The following C12orf42 variants were observed in gnomAD, a reference collection of about 807,000 sequenced individuals.
C12orf42 encodes the protein chromosome 12 open reading frame 42.
In C12orf42, 25 loss-of-function variants were observed where a neutral mutation model predicts 21.6. The ratio of observed to expected loss-of-function variants is 1.16; its 90% confidence interval spans 0.84 to 1.62. The LOEUF is 1.62. Ranked by LOEUF, C12orf42 falls within the 40% of genes most tolerant of loss-of-function variation. C12orf42 has a pLI of 0.00. For synonymous variants in C12orf42, 174 were observed against 175.0 expected (o/e 0.99, Z 0.05); for missense variants, 483 against 459.3 (o/e 1.05, Z -0.47).
chr12:103,384,600 C>G (rs2046454489), intron 3 of C12orf42, among the ~76,000 whole-genome samples: 11 of 152,130 alleles, frequency 7.2e-5, no homozygotes, highest in Admixed American at 7.2e-4. Flanking sequence ...GCTAACCATT[C>G]AAGACAGGAC....
chr12:103,232,071 C>A, the C12orf42 span, among the ~76,000 whole-genome samples: 2 of 152,162 alleles, frequency 1.3e-5, no homozygotes, highest in Non-Finnish European at 2.9e-5. Context: ...TGTGAAGCAT[C>A]TTTTCATATG....
At chr12:103,143,256 G>A in the C12orf42 span, among the ~76,000 whole-genome samples, 10 of 152,202 alleles carry the variant, frequency 6.6e-5, no homozygotes, top group African/African-American at 1.4e-4. Context: ...GAAAGGAGGC[G>A]TTGGGAGTTC....
downstream of C12orf42, among the ~76,000 whole-genome samples, chr12:103,266,144 T>G (rs1383288148): frequency 6.6e-6 from 1 of 152,148 alleles, no homozygotes; most frequent in Admixed American, 6.6e-5. Flanking sequence ...AGCATTTTCT[T>G]AAAGTGTATT....
the C12orf42 span, among the ~76,000 whole-genome samples, chr12:103,113,938 G>A: frequency 6.6e-6 from 1 of 152,156 alleles, no homozygotes; most frequent in Non-Finnish European, 1.5e-5. Flanking sequence ...ATGGGGCCAT[G>A]TACATGAATG....
chr12:103,385,010 C>T (rs945769775), intron 3 of C12orf42, among the ~76,000 whole-genome samples: 1 of 152,044 alleles, frequency 6.6e-6, no homozygotes, highest in Non-Finnish European at 1.5e-5. Flanking sequence ...TACTAAGTAC[C>T]AATAATTTCA....
rs1197989000 is a variant in C12orf42 at position 103,312,801 on chromosome 12, C to T, written c.260-6456G>A. Among the ~76,000 whole-genome samples the T allele has an allele frequency of 2.0e-5, 3 of 152,302 alleles. No individual in the cohort carries two copies. The East Asian group carries it at 5.8e-4, about 29-fold the overall frequency. ...TATTGTGGCAGATGATTTCAAGGTA[C>T]AATAAAATGAATCTATTTTACAGAA... On this transcript the variant is annotated intron_variant, in intron 4 of 5. Transcript: ENST00000548883.
At chr12:103,090,508 C>A in the C12orf42 span, among the ~76,000 whole-genome samples, 2 of 152,142 alleles carry the variant, frequency 1.3e-5, no homozygotes, top group Non-Finnish European at 2.9e-5. Flanking sequence ...AAATCCACCT[C>A]ATAGAGGTGT....
At chr12:103,493,285 G>A (rs1284455751) in intron 1 of C12orf42, among the ~76,000 whole-genome samples, 1 of 152,090 alleles carries the variant, frequency 6.6e-6, no homozygotes, top group Non-Finnish European at 1.5e-5. Flanking sequence ...ACCTCATCTT[G>A]CAATATTCTC....
the C12orf42 span, among the ~76,000 whole-genome samples, chr12:103,537,399 G>A: frequency 1.3e-5 from 2 of 151,962 alleles, no homozygotes; most frequent in African/African-American, 2.4e-5. Flanking sequence ...AGAGAAAACT[G>A]TGGTTTGACT....
intron 2 of C12orf42, among the ~76,000 whole-genome samples, chr12:103,464,942 A>T (rs1953002364): frequency 6.6e-6 from 1 of 152,202 alleles, no homozygotes; most frequent in Admixed American, 6.5e-5. Flanking sequence ...TTTTTGTGCC[A>T]GTACCATGCT....
intron 4 of C12orf42, among the ~76,000 whole-genome samples, chr12:103,285,543 T>C (rs2036390344): frequency 6.6e-6 from 1 of 152,162 alleles, no homozygotes; most frequent in African/African-American, 2.4e-5. Context: ...AACTGTTTAA[T>C]GATAAGGAAG....
the C12orf42 span, among the ~76,000 whole-genome samples, chr12:103,080,656 CAAT>C: frequency 6.6e-6 from 1 of 152,092 alleles, no homozygotes; most frequent in East Asian, 1.9e-4. Flanking sequence ...TTATGAAAAG[CAAT>C]AATATTCCCA....
chr12:103,108,724 T>C, the C12orf42 span, among the ~76,000 whole-genome samples: 3 of 152,126 alleles, frequency 2.0e-5, no homozygotes, highest in East Asian at 1.9e-4. Context: ...TATTCAACAT[T>C]GTATGGAAGG....
At chr12:103,493,216 C>T (rs953711310) in intron 1 of C12orf42, among the ~76,000 whole-genome samples, 3 of 152,178 alleles carry the variant, frequency 2.0e-5, no homozygotes, top group African/African-American at 7.2e-5. Flanking sequence ...AGAATAAAAT[C>T]CAGTATTTTC....
chr12:103,528,525 G>A, the C12orf42 span, among the ~76,000 whole-genome samples: 2 of 152,156 alleles, frequency 1.3e-5, no homozygotes, highest in Admixed American at 6.5e-5. Flanking sequence ...TGGTGAGGGA[G>A]TTCTAGCTCT....
intron 10 of C12orf42, among the ~76,000 whole-genome samples, chr12:103,240,555 G>A (rs1400407612): frequency 6.6e-6 from 1 of 152,174 alleles, no homozygotes; most frequent in Non-Finnish European, 1.5e-5. Flanking sequence ...GCACTCACAA[G>A]ACATAAGAGT....
At chr12:103,384,679 A>G (rs1268289599) in intron 3 of C12orf42, among the ~76,000 whole-genome samples, 1 of 152,236 alleles carries the variant, frequency 6.6e-6, no homozygotes, top group Non-Finnish European at 1.5e-5. Context: ...AAAGAGCAGA[A>G]TAGTTACATC....
Position 103,411,987 on chromosome 12 carries a change from A to G in C12orf42, c.79-10312T>C, listed in dbSNP as rs117350525. ...ATAGAGGAGCCCAAGATGGTTACCA[A>G]TGCAATGATCACTGGCAACTAATTA... On this transcript the variant is annotated intron_variant, in intron 2 of 5. Transcript: ENST00000548883. 2.9e-3 allele frequency among the ~76,000 whole-genome samples: 449 copies of G among 152,328 alleles called. 4 individuals are homozygous for G. The highest frequency in any genetic ancestry group is 5.3e-3 in the Non-Finnish European group (361 of 68,026).
chr12:103,377,180 T>C lies in C12orf42; in HGVS notation c.148-8182A>G, dbSNP rs568535476. Among the ~76,000 whole-genome samples the C allele has an allele frequency of 3.3e-5, 5 of 152,208 alleles. No individual in the cohort carries two copies. In the South Asian group the frequency reaches 1.0e-3, roughly 32 times the overall value. On this transcript the variant is annotated intron_variant, in intron 3 of 5. Coordinates refer to ENST00000548883, the MANE Select transcript of C12orf42 (RefSeq NM_198521.5). ...TTGCCTTAGTAGTGTTAGATTTGTG[T>C]TCATATTGTTTGGTTCCCTGTGTAG...
Sources: gnomAD v4.1 joint callset for allele counts (sites outside exome capture counted in the v4.1 genomes callset) on GRCh38, gnomAD v4.1.1 for gene constraint, MANE v1.5 for transcripts, NCBI Gene and HGNC (gene_info 2026-07-23, HGNC 2026-07-21) for gene names.